The following CTNNA3 variants were observed in gnomAD, a reference collection of about 807,000 sequenced individuals.
CTNNA3 encodes catenin alpha 3.
A neutral mutation model predicts 95.7 loss-of-function variants in CTNNA3; 76 were observed. The observed-to-expected ratio is 0.79, with a 90% confidence interval of 0.66 to 0.96. CTNNA3 has a LOEUF of 0.96. CTNNA3 is among the 40% of genes least tolerant of loss of function. The pLI, the probability that CTNNA3 is intolerant of heterozygous loss-of-function variation, is 0.00. For missense variants in CTNNA3, 1,191 were observed against 1,089.8 expected (o/e 1.09, Z -1.31); for synonymous variants, 431 against 374.4 (o/e 1.15, Z -1.74).
chr10:67,463,900 A>G (rs1196054423), intron 5 of CTNNA3, among the ~76,000 whole-genome samples: 2 of 152,148 alleles, frequency 1.3e-5, no homozygotes, highest in Admixed American at 1.3e-4. Flanking sequence ...TCAATTGCCA[A>G]TTCCTAGTTT....
At chr10:66,540,172 G>A (rs1316365313) in intron 10 of CTNNA3, among the ~76,000 whole-genome samples, 1 of 152,066 alleles carries the variant, frequency 6.6e-6, no homozygotes, top group African/African-American at 2.4e-5. Flanking sequence ...ATCTATTTAG[G>A]ATGGCAGGAC....
At chr10:66,855,304 TC>T (rs1193343716) in intron 7 of CTNNA3, among the ~76,000 whole-genome samples, 1 of 151,994 alleles carries the variant, frequency 6.6e-6, no homozygotes, top group Non-Finnish European at 1.5e-5. Flanking sequence ...AAGATCTCTA[TC>T]CGTGGAGCCT....
At chr10:67,312,165 G>A (rs112467156) in intron 5 of CTNNA3, among the ~76,000 whole-genome samples, 5,879 of 150,662 alleles carry the variant, frequency 0.039, 170 homozygotes, top group South Asian at 0.1. Context: ...CTCTGCCTCC[G>A]GGGTTCAAGC....
At chr10:66,508,021 T>A (rs895068855) in intron 11 of CTNNA3, among the ~76,000 whole-genome samples, 6 of 152,054 alleles carry the variant, frequency 3.9e-5, no homozygotes, top group East Asian at 1.9e-4. Context: ...GCATTTTTTT[T>A]AAATCATTTC....
At chr10:66,097,125 C>T (rs1486143331) in intron 14 of CTNNA3, among the ~76,000 whole-genome samples, 2 of 152,134 alleles carry the variant, frequency 1.3e-5, no homozygotes, top group Non-Finnish European at 2.9e-5. Context: ...TGCCTTCTTC[C>T]TTTTAATCTC....
At position 66,927,822 on chromosome 10, in the gene CTNNA3, A is replaced by G; in HGVS notation, c.1048-152298T>C. 6.2e-7 allele frequency: 1 copy of G among 1,614,256 alleles called. No individual in the cohort carries two copies. Among genetic ancestry groups the G allele is most frequent in the Non-Finnish European group, 8.5e-7 (1 of 1,180,044 alleles). On this transcript the variant is annotated intron_variant, in intron 7 of 17. Coordinates refer to ENST00000433211, the MANE Select transcript of CTNNA3 (RefSeq NM_013266.4). The surrounding 1 kb of genome is among the most constrained non-coding windows in gnomAD (Gnocchi z 4.7). ...GTCAAGAGATTTTGGATTCTTGGAT[A>G]TCCCTCAATGACATCAGTCTTGCTG...
At chr10:66,074,314 TGAG>T (rs762446109) in intron 14 of CTNNA3, among the ~76,000 whole-genome samples, 1 of 151,966 alleles carries the variant, frequency 6.6e-6, no homozygotes, top group Non-Finnish European at 1.5e-5. Context: ...TGATAAATAA[TGAG>T]TATTCTTGGA....
chr10:66,637,622 A>G (rs990845546), intron 9 of CTNNA3, among the ~76,000 whole-genome samples: 6 of 152,220 alleles, frequency 3.9e-5, no homozygotes. Flanking sequence ...GTTTTGTTCC[A>G]GAAGTCAGGA....
At chr10:65,992,831 ATTGT>A (rs1299094076) in intron 15 of CTNNA3, among the ~76,000 whole-genome samples, 1 of 151,870 alleles carries the variant, frequency 6.6e-6, no homozygotes, top group East Asian at 1.9e-4. Flanking sequence ...GCATCATTAG[ATTGT>A]TTATTTGAAA....
chr10:67,672,002 C>T (rs1416793820), intron 1 of CTNNA3, among the ~76,000 whole-genome samples: 1 of 151,998 alleles, frequency 6.6e-6, no homozygotes, highest in East Asian at 2.0e-4. Flanking sequence ...CCTATTTCTC[C>T]ACATCCTCTC....
intron 7 of CTNNA3, among the ~76,000 whole-genome samples, chr10:67,163,820 C>T (rs994318978): frequency 2.6e-4 from 40 of 151,568 alleles, no homozygotes; most frequent in East Asian, 3.9e-4. Flanking sequence ...ATACAAAAAT[C>T]GATTTTACTT....
At chr10:67,085,364 T>G (rs969813196) in intron 7 of CTNNA3, among the ~76,000 whole-genome samples, 19 of 151,430 alleles carry the variant, frequency 1.3e-4, no homozygotes, top group Admixed American at 1.3e-3. Flanking sequence ...AAATGAACCC[T>G]AATTTGTAAA....
intron 7 of CTNNA3, among the ~76,000 whole-genome samples, chr10:67,032,256 T>A (rs956552115): frequency 6.6e-6 from 1 of 152,172 alleles, no homozygotes; most frequent in Admixed American, 6.5e-5. Flanking sequence ...TTTTATATTG[T>A]GCTTCATTGC....
intron 7 of CTNNA3, among the ~76,000 whole-genome samples, chr10:67,053,392 T>A (rs1208930803): frequency 6.6e-6 from 1 of 152,168 alleles, no homozygotes. Flanking sequence ...TCTCTAGTAA[T>A]TCTTATTTTC....
intron 7 of CTNNA3, among the ~76,000 whole-genome samples, chr10:66,904,090 A>G (rs909574725): frequency 6.6e-6 from 1 of 151,680 alleles, no homozygotes; most frequent in Non-Finnish European, 1.5e-5. Flanking sequence ...AAGCAAAAAG[A>G]ACAAGGTATC....
chr10:67,728,442 A>G (rs1232615654), intron 1 of CTNNA3, among the ~76,000 whole-genome samples: 2 of 149,758 alleles, frequency 1.3e-5, no homozygotes, highest in East Asian at 2.0e-4. Flanking sequence ...GTATATGTGT[A>G]TATATATTAT....
At chr10:66,755,883 A>G (rs1463578408) in intron 9 of CTNNA3, among the ~76,000 whole-genome samples, 2 of 152,130 alleles carry the variant, frequency 1.3e-5, no homozygotes, top group Non-Finnish European at 2.9e-5. Context: ...TTCAATCTGC[A>G]TATAAGTTCC....
intron 9 of CTNNA3, among the ~76,000 whole-genome samples, chr10:66,630,786 T>C (rs1191675999): frequency 6.6e-6 from 1 of 152,154 alleles, no homozygotes; most frequent in Non-Finnish European, 1.5e-5. Context: ...TTATGAATTA[T>C]GGGTTCTGTA....
chr10:66,608,877 G>A (rs937196026), intron 10 of CTNNA3, among the ~76,000 whole-genome samples: 2 of 152,000 alleles, frequency 1.3e-5, no homozygotes, highest in African/African-American at 4.8e-5. Context: ...ACACAGGAAT[G>A]GGCAAAGATT....
Sources: gnomAD v4.1 joint callset for allele counts (sites outside exome capture counted in the v4.1 genomes callset) on GRCh38, gnomAD v4.1.1 for gene constraint, Gnocchi (gnomAD v3.1) non-coding constraint, MANE v1.5 for transcripts, NCBI Gene and HGNC (gene_info 2026-07-23, HGNC 2026-07-21) for gene names.